AGBL1: variants seen among roughly 807,000 people sequenced by gnomAD.
The protein encoded by AGBL1 is cytosolic carboxypeptidase 4.
In AGBL1, 130 loss-of-function variants were observed where a neutral mutation model predicts 118.9. The observed-to-expected ratio is 1.09, with a 90% CI of 0.95 to 1.26. The LOEUF is 1.26. Ranked by LOEUF, AGBL1 falls within the 50% of genes most tolerant of loss-of-function variation. The pLI is 0.00. For missense variants in AGBL1, 1,584 were observed against 1,298.1 expected (o/e 1.22, Z -3.38); for synonymous variants, 555 against 478.9 (o/e 1.16, Z -2.08).
At chr15:86,119,987 A>T (rs1452144903) in intron 1 of AGBL1, among the ~76,000 whole-genome samples, 1 of 152,154 alleles carries the variant, frequency 6.6e-6, no homozygotes, top group Non-Finnish European at 1.5e-5. Context: ...ATTCATGTAC[A>T]CATTATTCAT....
intron 18 of AGBL1, among the ~76,000 whole-genome samples, chr15:86,435,357 A>G (rs10520627): frequency 0.012 from 1,870 of 152,334 alleles, 17 homozygotes; most frequent in South Asian, 0.018. Flanking sequence ...AAGATATTCC[A>G]CTAAGTATTG....
chr15:86,196,848 C>A (rs1230950132), intron 5 of AGBL1, among the ~76,000 whole-genome samples: 1 of 146,206 alleles, frequency 6.8e-6, no homozygotes, highest in Non-Finnish European at 1.5e-5. Flanking sequence ...CCTCTCCCTG[C>A]ATATGCGAAT....
intron 17 of AGBL1, among the ~76,000 whole-genome samples, chr15:86,330,300 A>G (rs2141860714): frequency 6.6e-6 from 1 of 152,352 alleles, no homozygotes; most frequent in Admixed American, 6.5e-5. Flanking sequence ...CTTCTAGGTG[A>G]AACTGCATGG....
chr15:86,888,772 G>C (rs543972121), intron 22 of AGBL1, among the ~76,000 whole-genome samples: 1 of 152,196 alleles, frequency 6.6e-6, no homozygotes, highest in African/African-American at 2.4e-5. Flanking sequence ...TTATTTGCAC[G>C]TCTTTCATGA....
intron 22 of AGBL1, among the ~76,000 whole-genome samples, chr15:86,796,852 A>G (rs1165086939): frequency 2.6e-5 from 4 of 152,322 alleles, no homozygotes; most frequent in Non-Finnish European, 5.9e-5. Context: ...GCCCTGTTTT[A>G]TGAATTAGGA....
At chr15:86,906,023 C>T (rs1230301260) in intron 22 of AGBL1, among the ~76,000 whole-genome samples, 6 of 152,182 alleles carry the variant, frequency 3.9e-5, no homozygotes, top group Non-Finnish European at 8.8e-5. Context: ...AGTCAGCAGA[C>T]AATTAAGACA....
chr15:86,291,051 T>C (rs908268927), intron 16 of AGBL1, among the ~76,000 whole-genome samples: 3 of 152,188 alleles, frequency 2.0e-5, no homozygotes, highest in Non-Finnish European at 2.9e-5. Flanking sequence ...TAGTATTCCA[T>C]GGTGTATATG....
At chr15:86,271,773 C>A in intron 15 of AGBL1, 67 bp downstream of exon 15, 1 of 1,414,726 alleles carries the variant, frequency 7.1e-7, no homozygotes, top group Non-Finnish European at 1.0e-6. Flanking sequence ...CCCACTTTTC[C>A]ATATTGATCT....
chr15:86,154,623 A>G, intron 4 of AGBL1, 62 bp downstream of exon 4: 2 of 1,539,956 alleles, frequency 1.3e-6, no homozygotes, highest in Non-Finnish European at 8.8e-7. Context: ...ACACATGGAA[A>G]CTGCATGAGG....
intron 5 of AGBL1, among the ~76,000 whole-genome samples, chr15:86,185,469 C>G (rs564652674): frequency 6.6e-6 from 1 of 151,970 alleles, no homozygotes; most frequent in Non-Finnish European, 1.5e-5. Context: ...ATGTTTATTG[C>G]GGCACTATTC....
At chr15:86,793,746 C>T (rs1249785380) in intron 22 of AGBL1, among the ~76,000 whole-genome samples, 1 of 152,114 alleles carries the variant, frequency 6.6e-6, no homozygotes. Context: ...CCAGAATATA[C>T]ATTCAACAAC....
At chr15:86,182,716 AGTTTT>A (rs958646711) in intron 5 of AGBL1, among the ~76,000 whole-genome samples, 34 of 152,152 alleles carry the variant, frequency 2.2e-4, no homozygotes, top group Admixed American at 1.9e-3. Context: ...TCTCAGTATT[AGTTTT>A]ATTTAATAAG....
chr15:86,428,706 A>G (rs909292713), intron 18 of AGBL1, among the ~76,000 whole-genome samples: 5 of 152,248 alleles, frequency 3.3e-5, no homozygotes, highest in African/African-American at 9.6e-5. Flanking sequence ...TGGATCAATA[A>G]TAGAGTTCGC....
chr15:86,431,516 G>A (rs892840941), intron 18 of AGBL1, among the ~76,000 whole-genome samples: 3 of 152,188 alleles, frequency 2.0e-5, no homozygotes, highest in African/African-American at 4.8e-5. Flanking sequence ...CGTCCACAGT[G>A]TCTGCTTCTG....
At chr15:86,809,105 G>C (rs1054329717) in intron 22 of AGBL1, among the ~76,000 whole-genome samples, 1 of 152,120 alleles carries the variant, frequency 6.6e-6, no homozygotes, top group Non-Finnish European at 1.5e-5. Flanking sequence ...ACAATGTAAG[G>C]ATTAGAAAAA....
intron 23 of AGBL1, among the ~76,000 whole-genome samples, chr15:86,985,766 T>A (rs2081275271): frequency 6.6e-6 from 1 of 152,196 alleles, no homozygotes; most frequent in Non-Finnish European, 1.5e-5. Context: ...TCTTTTATGG[T>A]TTATATTGTT....
intron 17 of AGBL1, among the ~76,000 whole-genome samples, chr15:86,352,302 A>G (rs1282532544): frequency 6.6e-6 from 1 of 152,190 alleles, no homozygotes; most frequent in Non-Finnish European, 1.5e-5. Flanking sequence ...ACAGTTAGAA[A>G]TTATTCCCCA....
At chr15:86,555,641 G>A (rs1208509904) in intron 21 of AGBL1, among the ~76,000 whole-genome samples, 1 of 152,132 alleles carries the variant, frequency 6.6e-6, no homozygotes, top group Non-Finnish European at 1.5e-5. Flanking sequence ...TGTAAAAGAA[G>A]AATAAGAAGA....
intron 17 of AGBL1, among the ~76,000 whole-genome samples, chr15:86,318,476 T>A: frequency 6.6e-6 from 1 of 152,098 alleles, no homozygotes; most frequent in East Asian, 1.9e-4. Flanking sequence ...CTTTGACATA[T>A]ATCTTTTACT....
Sources: gnomAD v4.1 joint callset for allele counts (sites outside exome capture counted in the v4.1 genomes callset) on GRCh38, gnomAD v4.1.1 for gene constraint, MANE v1.5 for transcripts, NCBI Gene and HGNC (gene_info 2026-07-23, HGNC 2026-07-21) for gene names.